The following DIP2B variants were observed in gnomAD, a reference collection of about 807,000 sequenced individuals.
DIP2B encodes disco-interacting protein 2 homolog B.
DIP2B carries 76 observed loss-of-function variants against 198.0 expected under a neutral mutation model. The observed-to-expected ratio is 0.38, with a 90% confidence interval of 0.32 to 0.46. The LOEUF is 0.46. DIP2B is among the 20% of genes least tolerant of loss of function. The pLI, the probability that DIP2B is intolerant of heterozygous loss-of-function variation, is 0.99. For missense variants in DIP2B, 1,559 were observed against 1,978.4 expected (o/e 0.79, Z 4.02); for synonymous variants, 701 against 739.1 (o/e 0.95, Z 0.84).
intron 1 of DIP2B, among the ~76,000 whole-genome samples, chr12:50,516,883 G>A (rs973997110): frequency 2.6e-5 from 4 of 152,116 alleles, no homozygotes; most frequent in Admixed American, 2.0e-4. Context: ...GCTAGGCTGA[G>A]TTAGGAGAAT....
chr12:50,661,310 T>C (rs1033062764), intron 4 of DIP2B, among the ~76,000 whole-genome samples: 1 of 152,160 alleles, frequency 6.6e-6, no homozygotes, highest in Non-Finnish European at 1.5e-5. Flanking sequence ...AATACGTCTT[T>C]GGGGAGATTC....
chr12:50,513,298 T>TA (rs1958034634), intron 1 of DIP2B, among the ~76,000 whole-genome samples: 1 of 152,208 alleles, frequency 6.6e-6, no homozygotes, highest in East Asian at 1.9e-4. Flanking sequence ...CTATACCCTA[T>TA]ACCCTTAGTC....
intron 1 of DIP2B, among the ~76,000 whole-genome samples, chr12:50,546,186 A>G (rs2139380877): frequency 6.6e-6 from 1 of 152,354 alleles, no homozygotes; most frequent in East Asian, 1.9e-4. Flanking sequence ...AAATATGCAT[A>G]AGTATAGCAA....
chr12:50,648,681 T>G (rs1198929491), intron 3 of DIP2B, among the ~76,000 whole-genome samples: 80 of 141,830 alleles, frequency 5.6e-4, no homozygotes, highest in Non-Finnish European at 1.1e-3. Context: ...TTTTTTTTTT[T>G]GAGTTGGGTT....
At chr12:50,740,611 C>G (rs1457085822) in intron 36 of DIP2B, among the ~76,000 whole-genome samples, 1 of 152,198 alleles carries the variant, frequency 6.6e-6, no homozygotes, top group Non-Finnish European at 1.5e-5. Context: ...CCTCCTGATC[C>G]TTTTCACTCC....
chr12:50,709,399 G>A (rs796675948), intron 22 of DIP2B, among the ~76,000 whole-genome samples: 9 of 152,178 alleles, frequency 5.9e-5, no homozygotes, highest in African/African-American at 1.9e-4. Context: ...TTGGGAGGCC[G>A]AGATGGGCGG....
At chr12:50,610,910 T>C (rs1959026248) in intron 1 of DIP2B, among the ~76,000 whole-genome samples, 1 of 151,894 alleles carries the variant, frequency 6.6e-6, no homozygotes, top group Admixed American at 6.6e-5. Context: ...AGCAGTTCTC[T>C]GTCTCAGCCT....
chr12:50,697,217 C>A (rs1939328562), intron 17 of DIP2B, 42 bp downstream of exon 17: 1 of 1,570,284 alleles, frequency 6.4e-7, no homozygotes, highest in Non-Finnish European at 8.7e-7. Flanking sequence ...TATGTTACAA[C>A]TTGGATGAAA....
At chr12:50,559,154 A>T (rs899210294) in intron 1 of DIP2B, among the ~76,000 whole-genome samples, 1 of 152,064 alleles carries the variant, frequency 6.6e-6, no homozygotes, top group African/African-American at 2.4e-5. Context: ...TTAGGTGATC[A>T]CCCCAGTACT....
chr12:50,624,362 T>A (rs889888455), intron 1 of DIP2B, among the ~76,000 whole-genome samples: 9 of 152,274 alleles, frequency 5.9e-5, no homozygotes, highest in Admixed American at 3.9e-4. Context: ...AGACAGAGTC[T>A]TGCTCCATTG....
At chr12:50,653,809 C>G (rs1938506853) in intron 3 of DIP2B, among the ~76,000 whole-genome samples, 1 of 151,308 alleles carries the variant, frequency 6.6e-6, no homozygotes, top group African/African-American at 2.4e-5. Flanking sequence ...GATTTTGCAC[C>G]CATTTCTCTG....
At chr12:50,555,856 C>T (rs1958465978) in intron 1 of DIP2B, among the ~76,000 whole-genome samples, 1 of 152,078 alleles carries the variant, frequency 6.6e-6, no homozygotes, top group Non-Finnish European at 1.5e-5. Context: ...CTCTCCTGTG[C>T]TTCTCTGCTT....
chr12:50,692,993 C>A lies in DIP2B; in HGVS notation c.1699C>A (p.Leu567Met). Reference protein sequence around the residue: ...NVLDFKKDAGLWHGMFANVMN... With the variant: ...NVLDFKKDAGMWHGMFANVMN... ...CTTAGACTTTAAGAAGGATGCTGGG[C>A]TGTGGCACGGCATGTTTGCGGTAAG... The change falls in exon 14 of 38, where the codon CTG (leucine) becomes ATG (methionine). Residue 567 changes from leucine (L) to methionine (M), a missense_variant. Leu to Met is a conservative substitution (Grantham distance 15). Transcript: ENST00000301180. 2 of 1,610,846 alleles carry A rather than the reference C, an allele frequency of 1.2e-6. No individual in the cohort carries two copies.
In DIP2B at chr12:50,699,118, T is replaced by C; in HGVS notation, c.2241T>C (p.Asp747=). Reference sequence around the variant, plus strand: ...GACCTCCCCAGCTCTGCAAAACAGATGAAATTGGAGAAATCTGTGTTAGCT... The same window carrying C: ...GACCTCCCCAGCTCTGCAAAACAGACGAAATTGGAGAAATCTGTGTTAGCT... ...PDGPPQLCKT[D]EIGEICVSSR... The change falls in exon 19 of 38, where the codon GAT becomes GAC. Residue 747 remains aspartate, a synonymous_variant. Coordinates refer to ENST00000301180, the MANE Select transcript of DIP2B (RefSeq NM_173602.3). The C allele has an allele frequency of 6.2e-7, 1 of 1,614,170 alleles. No homozygotes were observed. The highest frequency in any genetic ancestry group is 8.5e-7 in the Non-Finnish European group (1 of 1,180,014).
chr12:50,640,964 A>G, intron 3 of DIP2B, 112 bp downstream of exon 3: 1 of 1,286,722 alleles, frequency 7.8e-7, no homozygotes, highest in Non-Finnish European at 1.0e-6. Context: ...AGGCACCAAC[A>G]GTTTTATATT....
At chr12:50,655,597 T>C (rs1593691564) in intron 3 of DIP2B, among the ~76,000 whole-genome samples, 1 of 152,368 alleles carries the variant, frequency 6.6e-6, no homozygotes, top group East Asian at 1.9e-4. Flanking sequence ...CATGATACTT[T>C]AACTATATGT....
Position 50,558,093 on chromosome 12 carries a change from G to A in DIP2B, c.100+52853G>A, listed in dbSNP as rs1057265882. 6.9e-4 allele frequency among the ~76,000 whole-genome samples: 7 copies of A among 10,152 alleles called. No individual in the cohort carries two copies. The Non-Finnish European group carries it at 0.057, about 82-fold the overall frequency. The allele number at this position is 10,152 out of a possible 152,430, so 6.7% of individuals were successfully genotyped here. ...AAATTATCACGTTTCAGCTGAGCGCGGTAGCGTCCTAAGCCTGTAATTCCA... is the reference window on the plus strand; with the variant it reads ...AAATTATCACGTTTCAGCTGAGCGCAGTAGCGTCCTAAGCCTGTAATTCCA... On this transcript the variant is annotated intron_variant, in intron 1 of 37. Coordinates refer to ENST00000301180, the MANE Select transcript of DIP2B (RefSeq NM_173602.3).
At chr12:50,702,438 T>G (rs1266849889) in intron 19 of DIP2B, among the ~76,000 whole-genome samples, 5 of 152,030 alleles carry the variant, frequency 3.3e-5, no homozygotes, top group Non-Finnish European at 7.4e-5. Context: ...GGCAGGTGCC[T>G]GTAATCCCAG....
chr12:50,643,405 C>CTGTGTGTGTGTGTGTGTGTG (rs57483938), intron 3 of DIP2B, among the ~76,000 whole-genome samples: 14 of 131,094 alleles, frequency 1.1e-4, no homozygotes, highest in Non-Finnish European at 1.8e-4. Flanking sequence ...GGGAGTTTTT[C>CTGTGTGTGTGTGTGTGTGTG]TGTGTGTGTG....
Sources: allele counts gnomAD v4.1 joint callset (sites outside exome capture counted in the v4.1 genomes callset), GRCh38; gene constraint gnomAD v4.1.1; transcripts MANE v1.5; gene names NCBI Gene and HGNC (gene_info 2026-07-23, HGNC 2026-07-21).